The following ATG10 variants were observed in gnomAD, a reference collection of about 807,000 sequenced individuals.
The protein encoded by ATG10 is ubiquitin-like-conjugating enzyme ATG10.
ATG10 carries 30 observed loss-of-function variants against 32.1 expected under a neutral mutation model. That is an observed-to-expected ratio of 0.94 (90% CI 0.70 to 1.27). The LOEUF is 1.27. ATG10 is among the 50% of genes most tolerant of loss of function. The probability of loss-of-function intolerance (pLI) is 0.00; values close to 1 mark genes in which losing one functional copy is unlikely to be tolerated. For missense variants in ATG10, 233 were observed against 262.3 expected (o/e 0.89, Z 0.77); for synonymous variants, 87 against 91.5 (o/e 0.95, Z 0.28).
chr5:82,180,061 C>G (rs1744173916), intron 5 of ATG10, among the ~76,000 whole-genome samples: 1 of 152,080 alleles, frequency 6.6e-6, no homozygotes. Context: ...TACCTGTAGT[C>G]ATATCTTTTT....
intron 3 of ATG10, among the ~76,000 whole-genome samples, chr5:82,100,010 T>G (rs1404109913): frequency 7.8e-6 from 1 of 128,402 alleles, no homozygotes; most frequent in Non-Finnish European, 1.6e-5. Flanking sequence ...GTTTTTTTTT[T>G]TTTTTTTTTT....
At chr5:82,212,450 T>G (rs910906666) in intron 5 of ATG10, among the ~76,000 whole-genome samples, 1 of 152,200 alleles carries the variant, frequency 6.6e-6, no homozygotes, top group Non-Finnish European at 1.5e-5. Context: ...CTTGAGAAAC[T>G]TTCCCTTCAA....
chr5:82,229,539 G>A (rs1353451916), intron 5 of ATG10, among the ~76,000 whole-genome samples: 2 of 152,110 alleles, frequency 1.3e-5, no homozygotes, highest in African/African-American at 4.8e-5. Flanking sequence ...ATATAATTTT[G>A]TGTGCTGGTT....
intron 3 of ATG10, among the ~76,000 whole-genome samples, chr5:82,096,080 A>G (rs997547053): frequency 6.6e-6 from 1 of 152,180 alleles, no homozygotes; most frequent in African/African-American, 2.4e-5. Flanking sequence ...TACCAAATAC[A>G]TCACTAATCT....
chr5:82,173,448 CTCT>C (rs960491692), intron 4 of ATG10, among the ~76,000 whole-genome samples: 43 of 152,130 alleles, frequency 2.8e-4, no homozygotes, highest in African/African-American at 1.0e-3. Flanking sequence ...CACCTAATGT[CTCT>C]TCTTCTTTTG....
At chr5:82,079,138 T>G (rs1764380557) in intron 3 of ATG10, among the ~76,000 whole-genome samples, 1 of 152,212 alleles carries the variant, frequency 6.6e-6, no homozygotes, top group South Asian at 2.1e-4. Flanking sequence ...GGTGTCATTA[T>G]TTGGTTTGAT....
rs758445288 is a variant in ATG10, at chr5:82,253,372, C to T, written c.610C>T (p.Leu204=). ...TGTAGGGCCAGTTGTTGGGCTGAAT[C>T]TACCTCTGAGTTATGCCAAAGCAAC... ...SIVGPVVGLN[L]PLSYAKATSQ... is the part of the protein sequence containing the mutation. Residue 204 remains leucine (L), a synonymous_variant, in exon 7 of 8, where the codon CTA becomes TTA. Transcript: ENST00000282185. 1.9e-6 allele frequency: 3 copies of T among 1,613,320 alleles called. No homozygotes were observed. Among genetic ancestry groups the T allele is most frequent in the East Asian group, 4.5e-5 (2 of 44,868 alleles).
chr5:82,023,689 T>C (rs566255984), intron 2 of ATG10, among the ~76,000 whole-genome samples: 20 of 152,364 alleles, frequency 1.3e-4, no homozygotes, highest in Admixed American at 2.6e-4. Flanking sequence ...TAAAACTTAA[T>C]GAAACAGCTA....
In ATG10 at chr5:82,056,429, G is replaced by GTTT. The variant is rs375167558; in HGVS notation, c.109-2048_109-2046dup. On this transcript the variant is annotated intron_variant, in intron 2 of 7. Transcript: ENST00000282185. The stretch of plus-strand genomic sequence containing the variant: ...CGTTTAATTACATGATGGCTGCCAG[G>GTTT]TTTTTTTTTTTTTTTTTTTTGTGGT... Among the ~76,000 whole-genome samples, 72 of 125,372 alleles carry GTTT rather than the reference G, an allele frequency of 5.7e-4. 1 individual carries two copies. The highest frequency in any genetic ancestry group is 6.3e-4 in the Non-Finnish European group (38 of 60,532). The allele number at this position is 125,372 out of a possible 152,430, so 82.2% of individuals were successfully genotyped here.
At chr5:82,087,370 T>C (rs1764728730) in intron 3 of ATG10, among the ~76,000 whole-genome samples, 1 of 152,120 alleles carries the variant, frequency 6.6e-6, no homozygotes, top group African/African-American at 2.4e-5. Flanking sequence ...AAATTATTAT[T>C]AATTGGGCTT....
intron 4 of ATG10, among the ~76,000 whole-genome samples, chr5:82,173,971 C>T (rs1239671556): frequency 6.6e-6 from 1 of 152,080 alleles, no homozygotes; most frequent in African/African-American, 2.4e-5. Context: ...CTTCAGGTTT[C>T]TACTTTGTTT....
intron 2 of ATG10, among the ~76,000 whole-genome samples, chr5:82,029,486 A>C (rs1042003555): frequency 6.6e-6 from 1 of 152,252 alleles, no homozygotes; most frequent in Non-Finnish European, 1.5e-5. Context: ...CTGAGTCAAG[A>C]ATGTCAATTA....
chr5:81,979,777 C>T (rs1432152840), intron 1 of ATG10, among the ~76,000 whole-genome samples: 1 of 121,870 alleles, frequency 8.2e-6, no homozygotes, highest in Non-Finnish European at 1.7e-5. Flanking sequence ...GCATAAGTTT[C>T]TTTCCAGCAG....
chr5:82,034,793 T>G (rs1198293134), intron 2 of ATG10, among the ~76,000 whole-genome samples: 1 of 152,192 alleles, frequency 6.6e-6, no homozygotes, highest in African/African-American at 2.4e-5. Context: ...TTTCTTCATA[T>G]CTGTGCTCAA....
At chr5:81,975,969 A>C (rs1315404782) in intron 1 of ATG10, among the ~76,000 whole-genome samples, 4 of 151,484 alleles carry the variant, frequency 2.6e-5, no homozygotes, top group African/African-American at 7.3e-5. Flanking sequence ...TATACTGTGA[A>C]TGTTGTAGAG....
At chr5:82,165,637 C>G (rs189420152) in intron 4 of ATG10, among the ~76,000 whole-genome samples, 1 of 152,172 alleles carries the variant, frequency 6.6e-6, no homozygotes, top group Non-Finnish European at 1.5e-5. Flanking sequence ...ACTGATAGTT[C>G]ACTAATTCAC....
At chr5:82,131,641 CT>C (rs71000885) in intron 3 of ATG10, among the ~76,000 whole-genome samples, 118,818 of 146,448 alleles carry the variant, frequency 0.81, 48,298 homozygotes, top group African/African-American at 0.87. Context: ...TTTTATTCTA[CT>C]TTTTTTTTTT....
At chr5:82,231,759 A>T (rs754138867) in intron 5 of ATG10, among the ~76,000 whole-genome samples, 1 of 152,200 alleles carries the variant, frequency 6.6e-6, no homozygotes, top group African/African-American at 2.4e-5. Context: ...AATCACTGGG[A>T]AATCTGCTTC....
intron 2 of ATG10, among the ~76,000 whole-genome samples, chr5:82,058,116 G>T (rs888349358): frequency 2.6e-5 from 4 of 152,132 alleles, no homozygotes; most frequent in Non-Finnish European, 5.9e-5. Context: ...GCAGCTTCAA[G>T]ATCTATTTCA....
Sources: gnomAD v4.1 joint callset for allele counts (sites outside exome capture counted in the v4.1 genomes callset) on GRCh38, gnomAD v4.1.1 for gene constraint, MANE v1.5 for transcripts, NCBI Gene and HGNC (gene_info 2026-07-23, HGNC 2026-07-21) for gene names.